ADAMTS19: variants seen among roughly 807,000 people sequenced by gnomAD.
ADAMTS19 encodes A disintegrin and metalloproteinase with thrombospondin motifs 19.
Under a neutral mutation model 153.3 loss-of-function variants are expected in ADAMTS19, and 93 were observed. The ratio of observed to expected loss-of-function variants is 0.61; its 90% CI spans 0.51 to 0.72. ADAMTS19 has a LOEUF of 0.72. ADAMTS19 is among the 30% of genes least tolerant of loss of function. ADAMTS19 has a pLI of 0.00. For synonymous variants in ADAMTS19, 600 were observed against 556.6 expected (o/e 1.08, Z -1.10); for missense variants, 1,482 against 1,552.1 (o/e 0.95, Z 0.76).
intron 21 of ADAMTS19, among the ~76,000 whole-genome samples, chr5:129,712,730 A>T (rs1225838595): frequency 3.9e-5 from 6 of 152,176 alleles, no homozygotes; most frequent in Admixed American, 3.9e-4. Context: ...GATCGATCAG[A>T]GCAGAAATAC....
At chr5:129,683,812 C>A (rs972750307) in intron 17 of ADAMTS19, among the ~76,000 whole-genome samples, 11 of 149,932 alleles carry the variant, frequency 7.3e-5, no homozygotes, top group Admixed American at 6.7e-4. Context: ...ACTGTCTAGT[C>A]CATCAAATTG....
intron 7 of ADAMTS19, among the ~76,000 whole-genome samples, chr5:129,594,815 T>A (rs1344488344): frequency 3.3e-5 from 5 of 152,044 alleles, no homozygotes; most frequent in Admixed American, 3.3e-4. Flanking sequence ...CCAATCCCTC[T>A]CTGTGTATCC....
chr5:129,518,645 T>C (rs1158211933), intron 3 of ADAMTS19, among the ~76,000 whole-genome samples: 1 of 152,164 alleles, frequency 6.6e-6, no homozygotes, highest in Non-Finnish European at 1.5e-5. Flanking sequence ...GAGATTTTGA[T>C]TATTAAATGC....
intron 3 of ADAMTS19, among the ~76,000 whole-genome samples, chr5:129,511,910 G>A (rs1751447731): frequency 6.6e-6 from 1 of 151,956 alleles, no homozygotes; most frequent in African/African-American, 2.4e-5. Flanking sequence ...GAAGTTTTTA[G>A]TGCATGCTGT....
rs187169009 is a variant in ADAMTS19 at position 129,663,614 on chromosome 5, G to A, written c.2426-1885G>A. ...AAGTTCAGAAATTTTTTTCTACAGA[G>A]TATCTTCTGGATTTTCTCCCTTAGC... On this transcript the variant is annotated intron_variant, in intron 15 of 22. Coordinates refer to ENST00000274487, the MANE Select transcript of ADAMTS19 (RefSeq NM_133638.6). 2.4e-4 allele frequency among the ~76,000 whole-genome samples: 36 copies of A among 152,144 alleles called. No homozygotes were observed. The East Asian group carries it at 6.0e-3, about 25-fold the overall frequency.
chr5:129,636,871 T>C (rs942154181), intron 10 of ADAMTS19, among the ~76,000 whole-genome samples: 2 of 152,210 alleles, frequency 1.3e-5, no homozygotes, highest in Admixed American at 6.5e-5. Flanking sequence ...TCTTATAAAG[T>C]CTTATTTCTT....
chr5:129,607,903 A>G (rs1463156050), intron 8 of ADAMTS19, among the ~76,000 whole-genome samples: 2 of 151,238 alleles, frequency 1.3e-5, no homozygotes, highest in Non-Finnish European at 2.9e-5. Flanking sequence ...ATGAATGTAT[A>G]AAGATGGATG....
chr5:129,611,225 C>A (rs1751199025), intron 8 of ADAMTS19, among the ~76,000 whole-genome samples: 1 of 151,582 alleles, frequency 6.6e-6, no homozygotes, highest in Admixed American at 6.6e-5. Flanking sequence ...AAATTTTCTC[C>A]CATTCTGTAG....
rs532529781 is a variant in ADAMTS19 at position 129,581,172 on chromosome 5, T to C, written c.1373-15387T>C. Among the ~76,000 whole-genome samples, 3 of 152,334 alleles carry C rather than the reference T, an allele frequency of 2.0e-5. No individual in the cohort carries two copies. In the South Asian group the frequency reaches 6.2e-4, roughly 32 times the overall value. ...CCTGGTTTAGTCTTGGGAGGGTGTA[T>C]GTGTCCAGGAATTTATCTATTTCTT... On this transcript the variant is annotated intron_variant, in intron 7 of 22. Transcript: ENST00000274487.
intron 14 of ADAMTS19, among the ~76,000 whole-genome samples, chr5:129,655,207 A>G (rs1753492716): frequency 6.6e-6 from 1 of 152,234 alleles, no homozygotes; most frequent in Non-Finnish European, 1.5e-5. Context: ...TGCAGTCACA[A>G]GACCTTAGCT....
chr5:129,525,986 A>G (rs1751992314), intron 3 of ADAMTS19, among the ~76,000 whole-genome samples: 1 of 152,020 alleles, frequency 6.6e-6, no homozygotes, highest in Non-Finnish European at 1.5e-5. Flanking sequence ...TAGAAATCTA[A>G]TTAATGTGAT....
intron 16 of ADAMTS19, among the ~76,000 whole-genome samples, chr5:129,672,155 A>AAG (rs946070403): frequency 2.0e-5 from 3 of 152,082 alleles, no homozygotes; most frequent in Non-Finnish European, 2.9e-5. Flanking sequence ...TCACATGGCA[A>AAG]AGAGAGAGAG....
At position 129,689,807 on chromosome 5, in the gene ADAMTS19, T is replaced by C. The variant is rs1247386706; in HGVS notation, c.2819-4913T>C. 5.9e-5 allele frequency among the ~76,000 whole-genome samples: 9 copies of C among 152,328 alleles called. No individual in the cohort carries two copies. In the East Asian group the frequency reaches 1.2e-3, roughly 20 times the overall value. On this transcript the variant is annotated intron_variant, in intron 18 of 22. Transcript: ENST00000274487. Reference sequence around the variant, plus strand: ...AAAATGCACCAGAATATATTTTCCATTTTTTCTCTGCATTATTTTATTTCA... The same window carrying C: ...AAAATGCACCAGAATATATTTTCCACTTTTTCTCTGCATTATTTTATTTCA...
At position 129,647,830 on chromosome 5, in the gene ADAMTS19, C is replaced by G; in HGVS notation, c.1938C>G (p.Ser646Arg). 6.2e-7 allele frequency: 1 copy of G among 1,614,050 alleles called. No individual in the cohort carries two copies. Among genetic ancestry groups the G allele is most frequent in the South Asian group, 1.1e-5 (1 of 91,076 alleles). Residue 646 changes from serine to arginine, a missense_variant, in exon 12 of 23, where the codon AGC (serine) becomes AGG (arginine). By Grantham distance (110) the Ser-to-Arg change is moderately radical. Transcript: ENST00000274487. ...CTGAACATCTGGCCGGAGAGTGGAG[C>G]CTGTGGAGTCCTTGTAGCCGAACCT... ...SAPEHLAGEW[S>R]LWSPCSRTCS... is the part of the protein sequence containing the mutation.
At chr5:129,517,326 A>G (rs1159497210) in intron 3 of ADAMTS19, among the ~76,000 whole-genome samples, 1 of 151,818 alleles carries the variant, frequency 6.6e-6, no homozygotes, top group Non-Finnish European at 1.5e-5. Flanking sequence ...ATTAAATCTG[A>G]TATTTCTTGG....
Position 129,492,056 on chromosome 5 carries a change from T to A in ADAMTS19, c.748-17021T>A, listed in dbSNP as rs57286966. ...TTTATAAAGAGGTTTAATTGGCTTA[T>A]GGTTCTGCAGGCTGTATAGGAAACT... On this transcript the variant is annotated intron_variant, in intron 2 of 22. Transcript: ENST00000274487. 7.4e-3 allele frequency among the ~76,000 whole-genome samples: 1,126 copies of A among 152,292 alleles called. 18 individuals are homozygous for A. Among genetic ancestry groups the A allele is most frequent in the African/African-American group, 0.026 (1,065 of 41,566 alleles).
At chr5:129,530,075 T>C (rs901007736) in intron 6 of ADAMTS19, among the ~76,000 whole-genome samples, 1 of 152,078 alleles carries the variant, frequency 6.6e-6, no homozygotes, top group African/African-American at 2.4e-5. Flanking sequence ...GAGCCAGTAA[T>C]TGAACTGCCT....
chr5:129,555,411 GTTTTGT>G (rs1753280059), intron 7 of ADAMTS19, among the ~76,000 whole-genome samples: 1 of 152,024 alleles, frequency 6.6e-6, no homozygotes, highest in Non-Finnish European at 1.5e-5. Flanking sequence ...GAACTCCCTA[GTTTTGT>G]TATCATTATT....
chr5:129,629,222 A>G (rs1018248495), intron 10 of ADAMTS19, among the ~76,000 whole-genome samples: 1 of 152,146 alleles, frequency 6.6e-6, no homozygotes, highest in East Asian at 1.9e-4. Flanking sequence ...TAAATTTTTC[A>G]CTCATGTAGA....
Sources: gnomAD v4.1 joint callset for allele counts (sites outside exome capture counted in the v4.1 genomes callset) on GRCh38, gnomAD v4.1.1 for gene constraint, MANE v1.5 for transcripts, NCBI Gene and HGNC (gene_info 2026-07-23, HGNC 2026-07-21) for gene names.